AGPAT3: variants seen among roughly 807,000 people sequenced by gnomAD.
AGPAT3 encodes 1-acylglycerol-3-phosphate O-acyltransferase 3, also known as 1-acyl-sn-glycerol-3-phosphate acyltransferase gamma.
A neutral mutation model predicts 47.3 loss-of-function variants in AGPAT3; 5 were observed. That is an observed-to-expected ratio of 0.11 (90% confidence interval 0.06 to 0.22). The LOEUF (loss-of-function observed/expected upper bound fraction) is 0.22. AGPAT3 is among the 10% of genes least tolerant of loss of function. The probability of loss-of-function intolerance (pLI) is 1.00; values close to 1 mark genes in which losing one functional copy is unlikely to be tolerated. For missense variants in AGPAT3, 315 were observed against 493.0 expected (o/e 0.64, Z 3.42); for synonymous variants, 212 against 208.3 (o/e 1.02, Z -0.15).
At chr21:43,945,365 T>C (rs1045495545) in intron 2 of AGPAT3, among the ~76,000 whole-genome samples, 3 of 152,194 alleles carry the variant, frequency 2.0e-5, no homozygotes, top group Non-Finnish European at 4.4e-5. Context: ...ACTGTGCACA[T>C]TGGGGAGCAT....
rs754526876 is a variant in AGPAT3 at position 43,987,225 on chromosome 21, A to G, written c.*4833A>G. On this transcript the variant is annotated 3_prime_UTR_variant, in exon 10 of 10. Coordinates refer to ENST00000291572, the MANE Select transcript of AGPAT3 (RefSeq NM_020132.5). ...CAGGGCCACCAGGCACTCCTGTCCC[A>G]TGGGGCCACCCACCTTCAGAGCCCA... Among the ~76,000 whole-genome samples the G allele has an allele frequency of 2.6e-5, 4 of 152,216 alleles. No homozygotes were observed. The highest frequency in any genetic ancestry group is 4.4e-5 in the Non-Finnish European group (3 of 68,036).
chr21:43,926,936 A>G (rs2087074616), intron 2 of AGPAT3, among the ~76,000 whole-genome samples: 1 of 142,212 alleles, frequency 7.0e-6, no homozygotes, highest in Non-Finnish European at 1.5e-5. Context: ...CCAAGATTGC[A>G]CCATCTCACT....
chr21:43,983,638 C>T lies in AGPAT3; in HGVS notation c.*1246C>T, dbSNP rs1406407348. On this transcript the variant is annotated 3_prime_UTR_variant, in exon 10 of 10. Transcript: ENST00000291572. ...CTTGCAGCGAGCCCCTGGCCCACGC[C>T]GAGCGAGGGATGCTTCTCCCTACAG... 14 of 152,344 alleles carry T rather than the reference C, an allele frequency of 9.2e-5. No individual in the cohort carries two copies. The highest frequency in any genetic ancestry group is 4.6e-4 in the Admixed American group (7 of 15,304). 9.4% of individuals were successfully genotyped at this position (152,344 alleles called of 1,614,324 possible). A position where few individuals can be genotyped will look rare whatever the true frequency, so the allele number is the denominator to read the frequency against.
chr21:43,970,777 C>T lies in AGPAT3; in HGVS notation c.635C>T (p.Thr212Ile). Reference protein sequence around the residue: ...YHLLPRTKGFTTAVKCLRGTV... With the variant: ...YHLLPRTKGFITAVKCLRGTV... ...CTGCTGCCGCGGACCAAGGGCTTCA[C>T]CACCGCAGTCAAGTGCCTCCGGGGG... Residue 212 changes from threonine to isoleucine, a missense_variant, in exon 6 of 10, where the codon ACC (threonine) becomes ATC (isoleucine). Transcript: ENST00000291572. This position sits in a 1 kb window ranked among gnomAD's most constrained non-coding sequence, Gnocchi z 5.8. 5 of 1,598,374 alleles carry T rather than the reference C, an allele frequency of 3.1e-6. No individual in the cohort carries two copies. Among genetic ancestry groups the T allele is most frequent in the Non-Finnish European group, 4.3e-6 (5 of 1,168,896 alleles).
chr21:43,893,776 C>T (rs1395935169), intron 1 of AGPAT3, among the ~76,000 whole-genome samples: 6 of 152,158 alleles, frequency 3.9e-5, no homozygotes, highest in East Asian at 1.9e-4. Context: ...AGAGCATGCA[C>T]GACCTTTTTC....
chr21:43,973,819 G>A (rs1469308004), intron 7 of AGPAT3, among the ~76,000 whole-genome samples: 1 of 152,200 alleles, frequency 6.6e-6, no homozygotes, highest in Non-Finnish European at 1.5e-5. Context: ...GGGAAGCAGG[G>A]CCAATGTGTG....
chr21:43,976,388 T>C (rs2089623356), intron 7 of AGPAT3, among the ~76,000 whole-genome samples: 1 of 152,154 alleles, frequency 6.6e-6, no homozygotes, highest in Non-Finnish European at 1.5e-5. Flanking sequence ...TTAGTAGAGA[T>C]GGGGTTTCAC....
At chr21:43,914,578 T>C (rs990905329) in intron 2 of AGPAT3, among the ~76,000 whole-genome samples, 1 of 152,256 alleles carries the variant, frequency 6.6e-6, no homozygotes. Flanking sequence ...AGAGCTGAAG[T>C]CTCAATCTCT....
intron 1 of AGPAT3, among the ~76,000 whole-genome samples, chr21:43,870,137 T>G (rs1392027704): frequency 6.6e-6 from 1 of 152,180 alleles, no homozygotes; most frequent in Non-Finnish European, 1.5e-5. Flanking sequence ...CCGTCCTCCT[T>G]GGACTCCCTG....
At position 43,939,825 on chromosome 21, in the gene AGPAT3, G is replaced by A. The variant is rs1287376478; in HGVS notation, c.-48-19809G>A. Among the ~76,000 whole-genome samples, 1 of 152,186 alleles carries A rather than the reference G, an allele frequency of 6.6e-6. No homozygotes were observed. Among genetic ancestry groups the A allele is most frequent in the Non-Finnish European group, 1.5e-5 (1 of 68,032 alleles). ...CCCTGGTCCTAGGGGTCTGTGCTGG[G>A]GTGGGGCTCGTTGACCTGCATCCTG... On this transcript the variant is annotated intron_variant, in intron 2 of 9. Transcript: ENST00000291572. The surrounding 1 kb of genome is among the most constrained non-coding windows in gnomAD (Gnocchi z 4.4).
At chr21:43,935,050 C>G (rs992991967) in intron 2 of AGPAT3, among the ~76,000 whole-genome samples, 1 of 152,378 alleles carries the variant, frequency 6.6e-6, no homozygotes, top group Admixed American at 6.5e-5. Flanking sequence ...CCACCCACAC[C>G]ACTCACATGC....
intron 2 of AGPAT3, among the ~76,000 whole-genome samples, chr21:43,923,551 A>G (rs576926720): frequency 3.5e-4 from 53 of 152,146 alleles, no homozygotes; most frequent in Non-Finnish European, 7.1e-4. Flanking sequence ...AGACTGCCCC[A>G]CTGTCAGATG....
chr21:43,974,400 T>C (rs1473407986), intron 7 of AGPAT3, among the ~76,000 whole-genome samples: 1 of 150,068 alleles, frequency 6.7e-6, no homozygotes. Context: ...TGAGGTATGG[T>C]GTGTGTAAAT....
intron 1 of AGPAT3, among the ~76,000 whole-genome samples, chr21:43,888,203 C>T (rs2086023317): frequency 6.6e-6 from 1 of 152,150 alleles, no homozygotes. Context: ...CCACACCCAG[C>T]TAATTTTTAA....
chr21:43,961,747 CGT>C (rs2088874073), intron 3 of AGPAT3, among the ~76,000 whole-genome samples: 1 of 151,824 alleles, frequency 6.6e-6, no homozygotes, highest in South Asian at 2.1e-4. Flanking sequence ...ACGGTGAGCG[CGT>C]ATACACTTTG....
At chr21:43,912,854 CT>C (rs1463431115) in intron 2 of AGPAT3, among the ~76,000 whole-genome samples, 2 of 152,224 alleles carry the variant, frequency 1.3e-5, no homozygotes, top group Non-Finnish European at 2.9e-5. Context: ...CGAGGCTGGC[CT>C]TTAACTACAG....
chr21:43,950,319 T>C (rs1258130298), intron 2 of AGPAT3, among the ~76,000 whole-genome samples: 1 of 152,254 alleles, frequency 6.6e-6, no homozygotes, highest in Non-Finnish European at 1.5e-5. Flanking sequence ...CACCTCCTCC[T>C]GCCAGACTTT....
At chr21:43,877,073 G>T (rs987825510) in intron 1 of AGPAT3, among the ~76,000 whole-genome samples, 2 of 152,110 alleles carry the variant, frequency 1.3e-5, no homozygotes, top group African/African-American at 4.8e-5. Context: ...TACCCAGGGT[G>T]GTCTTGAACT....
chr21:43,943,871 A>G (rs142640542), intron 2 of AGPAT3, among the ~76,000 whole-genome samples: 1 of 152,282 alleles, frequency 6.6e-6, no homozygotes, highest in East Asian at 1.9e-4. Flanking sequence ...TCAGGGCGAG[A>G]GGGAGACAGG....
Sources: allele counts gnomAD v4.1 joint callset (sites outside exome capture counted in the v4.1 genomes callset), GRCh38; gene constraint gnomAD v4.1.1; non-coding constraint Gnocchi (gnomAD v3.1); transcripts MANE v1.5; gene names NCBI Gene and HGNC (gene_info 2026-07-23, HGNC 2026-07-21).